SPDYE6: variants seen among roughly 807,000 people sequenced by gnomAD.
SPDYE6 encodes speedy protein E6.
For synonymous variants in SPDYE6, 2 were observed against 103.0 expected, an observed-to-expected ratio of 0.02 and a Z score of 5.94; for missense variants, 8 against 297.9, an observed-to-expected ratio of 0.03 and a Z score of 7.16.
At chr7:102,351,640 G>A (rs1462474335) in intron 4 of SPDYE6, among the ~76,000 whole-genome samples, 4 of 94,200 alleles carry the variant, frequency 4.2e-5, no homozygotes, top group African/African-American at 1.7e-4. Flanking sequence ...AGTGGCTGAC[G>A]TCTATAATCT....
chr7:102,351,598 A>C (rs1654943892), intron 4 of SPDYE6, among the ~76,000 whole-genome samples: 1 of 91,572 alleles, frequency 1.1e-5, no homozygotes, highest in Non-Finnish European at 2.2e-5. Context: ...TGTGGGTGCC[A>C]AGACTCAAGA....
chr7:102,353,637 CTTTT>C (rs374776632), intron 2 of SPDYE6, among the ~76,000 whole-genome samples: 88 of 124,480 alleles, frequency 7.1e-4, no homozygotes, highest in Middle Eastern at 8.6e-3. Context: ...CTCTGAGTCC[CTTTT>C]TTTTTTTTTT....
chr7:102,352,578 TTTTG>T (rs1168689434), intron 3 of SPDYE6, among the ~76,000 whole-genome samples: 2 of 139,794 alleles, frequency 1.4e-5, no homozygotes, highest in Non-Finnish European at 3.2e-5. Context: ...TGTTTATTGA[TTTTG>T]TTTTTCTTTA....
rs1794551411 is a variant in SPDYE6 at position 102,350,669 on chromosome 7, CT to C, written c.755+58del. ...GAATAAATGAAAGGCTGGAATCCCA[CT>C]TCCCCCGCTGTCCCAGGGCATTGGA... On this transcript the variant is annotated intron_variant, in intron 5 of 7. Coordinates refer to ENST00000563237, the MANE Select transcript of SPDYE6 (RefSeq NM_001146210.4). 1.2e-5 allele frequency: 11 copies of C among 922,236 alleles called. 2 individuals are homozygous for C. The highest frequency in any genetic ancestry group is 1.7e-5 in the Non-Finnish European group (11 of 641,718). The allele number at this position is 922,236 out of a possible 1,614,324, so 57.1% of individuals were successfully genotyped here.
Position 102,346,021 on chromosome 7 carries a change from T to TA in SPDYE6, c.*1245dup, listed in dbSNP as rs1794489637. ...ATATATGTTAACTAAGTATCATAGA[T>TA]AAAATCCATGCTCCCTTCAGCAGCA... On this transcript the variant is annotated 3_prime_UTR_variant, in exon 8 of 8. Coordinates refer to ENST00000563237, the MANE Select transcript of SPDYE6 (RefSeq NM_001146210.4). Among the ~76,000 whole-genome samples, 1 of 151,736 alleles carries TA rather than the reference T, an allele frequency of 6.6e-6. No homozygotes were observed. Among genetic ancestry groups the TA allele is most frequent in the Non-Finnish European group, 1.5e-5 (1 of 67,956 alleles).
rs1254007625 is a variant in SPDYE6, at chr7:102,346,702, TACA to T, written c.*562_*564del. On this transcript the variant is annotated 3_prime_UTR_variant, in exon 8 of 8. Coordinates refer to ENST00000563237, the MANE Select transcript of SPDYE6 (RefSeq NM_001146210.4). ...TACAGGAACAGCATGTTTTCAAAAG[TACA>T]ACAATTTCCAAACTATTTGAAATAA... is the stretch of plus-strand genomic sequence containing the variant. Among the ~76,000 whole-genome samples the T allele has an allele frequency of 6.6e-6, 1 of 151,718 alleles. No homozygotes were observed. The highest frequency in any genetic ancestry group is 1.5e-5 in the Non-Finnish European group (1 of 67,796).
Position 102,353,309 on chromosome 7 carries a change from C to A in SPDYE6, c.459G>T (p.Glu153Asp). ...RKMEWWDESEESLEEEPRKVL... is the reference protein window; with the variant it reads ...RKMEWWDESEDSLEEEPRKVL... ...CCTTCCGTGGCTCCTCCTCCAACGA[C>A]TCCTCAGATTCGTCCCACCACTCCA... Residue 153 changes from glutamate (E) to aspartate (D), a missense_variant, in exon 3 of 8, where the codon GAG (glutamate) becomes GAT (aspartate). Transcript: ENST00000563237. 1 of 491,086 alleles carries A rather than the reference C, an allele frequency of 2.0e-6. No individual in the cohort carries two copies. The highest frequency in any genetic ancestry group is 2.3e-5 in the South Asian group (1 of 44,186). The allele number at this position is 491,086 out of a possible 1,614,324, so 30.4% of individuals were successfully genotyped here.
chr7:102,346,326 TAAAC>T lies in SPDYE6; in HGVS notation c.*937_*940del, dbSNP rs1794496174. Among the ~76,000 whole-genome samples, 1 of 147,550 alleles carries T rather than the reference TAAAC, an allele frequency of 6.8e-6. No homozygotes were observed. Among genetic ancestry groups the T allele is most frequent in the Admixed American group, 6.8e-5 (1 of 14,788 alleles). ...AATTCTATACCCATGTTTTTCAAAA[TAAAC>T]CAATAAAATAGATAGTATATATTAG... On this transcript the variant is annotated 3_prime_UTR_variant, in exon 8 of 8. Coordinates refer to ENST00000563237, the MANE Select transcript of SPDYE6 (RefSeq NM_001146210.4).
intron 4 of SPDYE6, 128 bp downstream of exon 4, chr7:102,351,938 A>C (rs1966364): frequency 3.3e-6 from 3 of 900,664 alleles, no homozygotes; most frequent in Non-Finnish European, 1.5e-6. Context: ...AAAAAAAAAA[A>C]AAAAAAAAAA....
intron 2 of SPDYE6, among the ~76,000 whole-genome samples, chr7:102,353,647 T>TA (rs1413329967): frequency 2.0e-5 from 3 of 150,100 alleles, no homozygotes; most frequent in African/African-American, 7.4e-5. Flanking sequence ...CTTTTTTTTT[T>TA]TTTTTTTTTC....
In SPDYE6 at chr7:102,345,796, C is replaced by G. The variant is rs398335; in HGVS notation, c.*1471G>C. On this transcript the variant is annotated 3_prime_UTR_variant, in exon 8 of 8. Transcript: ENST00000563237. ...TTTTTATTATGTTTCCCCAAGAGACCCACTCTATTGTTCTCTTGAAAACAC... is the reference window on the plus strand; with the variant it reads ...TTTTTATTATGTTTCCCCAAGAGACGCACTCTATTGTTCTCTTGAAAACAC... Among the ~76,000 whole-genome samples the G allele has an allele frequency of 2.5e-4, 38 of 152,004 alleles. 1 individual carries two copies. The highest frequency in any genetic ancestry group is 6.5e-4 in the African/African-American group (27 of 41,388).
In SPDYE6 at chr7:102,346,240, T is replaced by TAAATAAATATATTTAATA. The variant is rs1794494180; in HGVS notation, c.*1026_*1027insTATTAAATATATTTATTT. On this transcript the variant is annotated 3_prime_UTR_variant, in exon 8 of 8. Transcript: ENST00000563237. ...TTTAAAATAATATTTAATGTAAAAA[T>TAAATAAATATATTTAATA]AATATTTAAATAAATAAATATATTT... Among the ~76,000 whole-genome samples the TAAATAAATATATTTAATA allele has an allele frequency of 7.4e-6, 1 of 135,860 alleles. No individual in the cohort carries two copies. Among genetic ancestry groups the TAAATAAATATATTTAATA allele is most frequent in the Non-Finnish European group, 1.6e-5 (1 of 63,384 alleles). 89.1% of individuals were successfully genotyped at this position (135,860 alleles called of 152,430 possible). A position where few individuals can be genotyped will look rare whatever the true frequency, so the allele number is the denominator to read the frequency against.
chr7:102,353,942 T>C (rs1794615896), intron 2 of SPDYE6, among the ~76,000 whole-genome samples: 1 of 80,026 alleles, frequency 1.2e-5, no homozygotes, highest in Non-Finnish European at 2.4e-5. Flanking sequence ...GGATTACAGG[T>C]GTGAGCCACT....
In SPDYE6 at chr7:102,346,373, T is replaced by C. The variant is rs1271473990; in HGVS notation, c.*894A>G. ...TATATTAGACGTGTTAGTATATATA[T>C]CTGAGACATGTTAAAAATCACAACT... On this transcript the variant is annotated 3_prime_UTR_variant, in exon 8 of 8. Transcript: ENST00000563237. 6.7e-6 allele frequency among the ~76,000 whole-genome samples: 1 copy of C among 148,938 alleles called. No homozygotes were observed. The highest frequency in any genetic ancestry group is 6.7e-5 in the Admixed American group (1 of 14,966).
In SPDYE6 at chr7:102,345,929, G is replaced by A. The variant is rs1228331754; in HGVS notation, c.*1338C>T. The stretch of plus-strand genomic sequence containing the variant: ...GAATTCTCACATTTCAAACATATAT[G>A]AAATATCAAATAAAAATTTATTTTT... On this transcript the variant is annotated 3_prime_UTR_variant, in exon 8 of 8. Coordinates refer to ENST00000563237, the MANE Select transcript of SPDYE6 (RefSeq NM_001146210.4). 6.6e-6 allele frequency among the ~76,000 whole-genome samples: 1 copy of A among 152,044 alleles called. No individual in the cohort carries two copies. The highest frequency in any genetic ancestry group is 2.4e-5 in the African/African-American group (1 of 41,398).
rs1191444779 is a variant in SPDYE6, at chr7:102,346,001, T to C, written c.*1266A>G. Among the ~76,000 whole-genome samples, 1 of 151,802 alleles carries C rather than the reference T, an allele frequency of 6.6e-6. No individual in the cohort carries two copies. Among genetic ancestry groups the C allele is most frequent in the Non-Finnish European group, 1.5e-5 (1 of 67,944 alleles). ...TACATAGCTATAAATGTAATATATA[T>C]GTTAACTAAGTATCATAGATAAAAT... On this transcript the variant is annotated 3_prime_UTR_variant, in exon 8 of 8. Transcript: ENST00000563237.
At chr7:102,354,054 G>T (rs1211002990) in intron 2 of SPDYE6, among the ~76,000 whole-genome samples, 3 of 40,564 alleles carry the variant, frequency 7.4e-5, no homozygotes, top group Non-Finnish European at 1.4e-4. Flanking sequence ...TTTTGAGACA[G>T]CGTCTCACTC....
In SPDYE6 at chr7:102,346,007, CTAAG is replaced by C. The variant is rs1794489229; in HGVS notation, c.*1256_*1259del. Among the ~76,000 whole-genome samples, 1 of 151,632 alleles carries C rather than the reference CTAAG, an allele frequency of 6.6e-6. No homozygotes were observed. Among genetic ancestry groups the C allele is most frequent in the South Asian group, 2.1e-4 (1 of 4,826 alleles). On this transcript the variant is annotated 3_prime_UTR_variant, in exon 8 of 8. Transcript: ENST00000563237. ...GCTATAAATGTAATATATATGTTAA[CTAAG>C]TATCATAGATAAAATCCATGCTCCC... is the stretch of plus-strand genomic sequence containing the variant.
chr7:102,351,899 T>TCA (rs1301839417), intron 4 of SPDYE6, among the ~76,000 whole-genome samples, 167 bp downstream of exon 4: 573 of 14,898 alleles, frequency 0.038, 4 homozygotes, highest in Middle Eastern at 0.12. Flanking sequence ...AGACTCTGTC[T>TCA]CACACACACA....
Sources: allele counts gnomAD v4.1 joint callset (sites outside exome capture counted in the v4.1 genomes callset), GRCh38; gene constraint gnomAD v4.1.1; transcripts MANE v1.5; gene names NCBI Gene and HGNC (gene_info 2026-07-23, HGNC 2026-07-21).